Variants in TRMT9B observed in about 807,000 individuals in gnomAD.
The protein encoded by TRMT9B is tRNA methyltransferase 9B (putative).
Under a neutral mutation model 11.5 loss-of-function variants are expected in TRMT9B, and 16 were observed. The observed-to-expected ratio is 1.39, with a 90% confidence interval of 0.94 to 2.11. The LOEUF is 2.11. Ranked by LOEUF, TRMT9B falls within the 30% of genes most tolerant of loss-of-function variation. The pLI is 0.00. For synonymous variants in TRMT9B, 274 were observed against 192.4 expected (o/e 1.42, Z -3.51); for missense variants, 941 against 553.8 (o/e 1.70, Z -7.02).
intron 1 of TRMT9B, among the ~76,000 whole-genome samples, chr8:12,966,158 C>CA (rs397945560): frequency 1.3e-5 from 2 of 151,820 alleles, no homozygotes; most frequent in Non-Finnish European, 1.5e-5. Context: ...AGACCCCCCC[C>CA]ATCTCTACAG....
intron 1 of TRMT9B, among the ~76,000 whole-genome samples, chr8:12,953,027 CG>C (rs1248068909): frequency 6.6e-6 from 1 of 152,092 alleles, no homozygotes; most frequent in Non-Finnish European, 1.5e-5. Flanking sequence ...CGTGAGCCAC[CG>C]GGCCCGGCTG....
intron 1 of TRMT9B, among the ~76,000 whole-genome samples, chr8:12,957,455 TA>T (rs1263033153): frequency 1.9e-5 from 2 of 103,400 alleles, no homozygotes; most frequent in African/African-American, 7.6e-5. Context: ...ACATCAAATT[TA>T]TGATTAGAGT....
intron 2 of TRMT9B, 43 bp from the exon 3 acceptor site, chr8:13,006,159 A>G: frequency 6.3e-7 from 1 of 1,598,414 alleles, no homozygotes; most frequent in Non-Finnish European, 8.6e-7. Context: ...TCTATGGTGC[A>G]TAGGCTGACC....
chr8:13,020,874 C>T (rs57209485), intron 4 of TRMT9B, 134 bp from the exon 5 acceptor site: 216 of 576,360 alleles, frequency 3.7e-4, no homozygotes, highest in African/African-American at 3.5e-3. Context: ...CTGTCATCAT[C>T]GTTGCCATGG....
chr8:13,013,732 C>T (rs527888996), intron 4 of TRMT9B, among the ~76,000 whole-genome samples: 22 of 152,110 alleles, frequency 1.4e-4, no homozygotes, highest in Non-Finnish European at 3.1e-4. Flanking sequence ...GTGGGTGTAT[C>T]AGGAGGTCAG....
At chr8:13,014,697 T>C (rs1812294905) in intron 4 of TRMT9B, among the ~76,000 whole-genome samples, 2 of 152,170 alleles carry the variant, frequency 1.3e-5, no homozygotes, top group Non-Finnish European at 2.9e-5. Flanking sequence ...AGCAACACTA[T>C]ACAATGCTTT....
chr8:12,977,056 A>T (rs573821771), intron 1 of TRMT9B, among the ~76,000 whole-genome samples: 2 of 152,300 alleles, frequency 1.3e-5, no homozygotes, highest in South Asian at 4.1e-4. Flanking sequence ...TGGTGTTGCA[A>T]ATAGAAGCAT....
In TRMT9B at chr8:13,024,334, C is replaced by A. The variant is rs13268982; in HGVS notation, c.*2290C>A. 0.42 allele frequency: 70,328 copies of A among 166,684 alleles called. 15,777 individuals carry two copies. Among genetic ancestry groups the A allele is most frequent in the Middle Eastern group, 0.63 (186 of 296 alleles). 10.3% of individuals were successfully genotyped at this position (166,684 alleles called of 1,614,324 possible). On this transcript the variant is annotated 3_prime_UTR_variant, in exon 5 of 5. Transcript: ENST00000524591. ...CTGGGATTACAGGCGTGAGCCACCGCGCCCGGCCTGTTCCTTTTATTTCTT... is the reference window on the plus strand; with the variant it reads ...CTGGGATTACAGGCGTGAGCCACCGAGCCCGGCCTGTTCCTTTTATTTCTT...
chr8:12,988,528 A>T (rs1806738389), intron 1 of TRMT9B, among the ~76,000 whole-genome samples: 1 of 152,182 alleles, frequency 6.6e-6, no homozygotes, highest in Non-Finnish European at 1.5e-5. Context: ...GCCTCAGGAA[A>T]CTTACAATCA....
intron 1 of TRMT9B, among the ~76,000 whole-genome samples, chr8:12,949,328 A>C (rs1057167208): frequency 3.3e-5 from 5 of 152,128 alleles, no homozygotes; most frequent in African/African-American, 1.2e-4. Flanking sequence ...CCATGTGTAC[A>C]CCCAGCATCA....
intron 1 of TRMT9B, chr8:12,962,247 C>T (rs576761553): frequency 1.3e-5 from 2 of 152,310 alleles, no homozygotes; most frequent in East Asian, 3.9e-4. Flanking sequence ...ATATGCCATT[C>T]CCTTCAAAAG....
intron 1 of TRMT9B, among the ~76,000 whole-genome samples, chr8:12,980,855 G>A (rs769710486): frequency 2.6e-5 from 4 of 152,160 alleles, no homozygotes; most frequent in African/African-American, 7.2e-5. Flanking sequence ...TTTCAAGCCC[G>A]GATGGAAGAG....
intron 4 of TRMT9B, among the ~76,000 whole-genome samples, chr8:13,018,058 G>C (rs1279386241): frequency 6.7e-6 from 1 of 148,480 alleles, no homozygotes; most frequent in Admixed American, 6.8e-5. Flanking sequence ...GAAAGGAATG[G>C]TCACTTAAGC....
intron 1 of TRMT9B, among the ~76,000 whole-genome samples, chr8:12,977,781 G>A (rs182088709): frequency 1.4e-4 from 21 of 152,224 alleles, no homozygotes; most frequent in African/African-American, 4.1e-4. Flanking sequence ...TTGGGAGGCT[G>A]GGGCAGGAGG....
Position 13,006,220 on chromosome 8 carries a change from C to A in TRMT9B, c.18C>A (p.Ala6=), listed in dbSNP as rs778994544. ...TCTCCAGGATGGATCATGAAGCCGCCCAGCTGGAGAAGCAGCATGTGCACA... is the reference window on the plus strand; with the variant it reads ...TCTCCAGGATGGATCATGAAGCCGCACAGCTGGAGAAGCAGCATGTGCACA... MDHEA[A]QLEKQHVHNV... Residue 6 remains alanine, a synonymous_variant, in exon 3 of 5, where the codon GCC becomes GCA. Coordinates refer to ENST00000524591, the MANE Select transcript of TRMT9B (RefSeq NM_020844.3). 1 of 1,613,938 alleles carries A rather than the reference C, an allele frequency of 6.2e-7. No homozygotes were observed. Among genetic ancestry groups the A allele is most frequent in the South Asian group, 1.1e-5 (1 of 91,028 alleles).
chr8:12,991,428 T>C (rs1219293392), intron 2 of TRMT9B, among the ~76,000 whole-genome samples: 1 of 152,228 alleles, frequency 6.6e-6, no homozygotes, highest in East Asian at 1.9e-4. Context: ...TTTTTTATAA[T>C]GTAAGTTGTC....
chr8:12,973,740 T>C (rs779547562), intron 1 of TRMT9B, among the ~76,000 whole-genome samples: 6 of 152,148 alleles, frequency 3.9e-5, no homozygotes, highest in East Asian at 3.9e-4. Context: ...ACTTCAGCCA[T>C]AAGCGTCTGC....
At position 13,022,714 on chromosome 8, in the gene TRMT9B, G is replaced by A. The variant is rs1814156912; in HGVS notation, c.*670G>A. 6.0e-6 allele frequency: 1 copy of A among 167,142 alleles called. No homozygotes were observed. Among genetic ancestry groups the A allele is most frequent in the Admixed American group, 6.5e-5 (1 of 15,286 alleles). The allele number at this position is 167,142 out of a possible 1,614,324, so 10.4% of individuals were successfully genotyped here. A position where few individuals can be genotyped will look rare whatever the true frequency, so the allele number is the denominator to read the frequency against. ...AGGTTTTTAAAGGCACTGTTAGGCT[G>A]AGCATGGTGGCTCATGCCTGTAATC... On this transcript the variant is annotated 3_prime_UTR_variant, in exon 5 of 5. Transcript: ENST00000524591.
intron 2 of TRMT9B, among the ~76,000 whole-genome samples, chr8:13,000,435 T>A (rs1809206515): frequency 6.6e-6 from 1 of 152,196 alleles, no homozygotes; most frequent in Non-Finnish European, 1.5e-5. Flanking sequence ...TGTCACTTTC[T>A]GTCCTCTCTT....
Sources: gnomAD v4.1 joint callset for allele counts (sites outside exome capture counted in the v4.1 genomes callset) on GRCh38, gnomAD v4.1.1 for gene constraint, MANE v1.5 for transcripts, NCBI Gene and HGNC (gene_info 2026-07-23, HGNC 2026-07-21) for gene names.